The following DOCK7 variants were observed in gnomAD, a reference collection of about 807,000 sequenced individuals.
DOCK7 encodes dedicator of cytokinesis protein 7.
DOCK7 carries 138 observed loss-of-function variants against 271.0 expected under a neutral mutation model. That is an observed-to-expected ratio of 0.51 (90% CI 0.44 to 0.59). The LOEUF is 0.59. Among genes scored for constraint, DOCK7 ranks in the 20% least tolerant of loss-of-function variants. The pLI, the probability that DOCK7 is intolerant of heterozygous loss-of-function variation, is 0.00. For synonymous variants in DOCK7, 823 were observed against 876.1 expected, an observed-to-expected ratio of 0.94 and a Z score of 1.07; for missense variants, 2,066 against 2,592.4, an observed-to-expected ratio of 0.80 and a Z score of 4.41.
intron 14 of DOCK7, among the ~76,000 whole-genome samples, chr1:62,595,801 C>A (rs1276207082): frequency 6.6e-6 from 1 of 151,974 alleles, no homozygotes; most frequent in Non-Finnish European, 1.5e-5. Context: ...TGGTGGCATG[C>A]ATCTATAGTC....
chr1:62,607,161 A>G (rs1297305023), intron 14 of DOCK7, among the ~76,000 whole-genome samples: 1 of 151,886 alleles, frequency 6.6e-6, no homozygotes, highest in Non-Finnish European at 1.5e-5. Flanking sequence ...AGCTGAGATC[A>G]CACCAATGCA....
At chr1:62,655,257 G>C (rs972980947) in intron 2 of DOCK7, among the ~76,000 whole-genome samples, 2 of 151,790 alleles carry the variant, frequency 1.3e-5, no homozygotes, top group African/African-American at 4.8e-5. Flanking sequence ...ACCTATAAAG[G>C]ATATAAAACA....
At chr1:62,595,093 C>G (rs1305582278) in intron 14 of DOCK7, among the ~76,000 whole-genome samples, 3 of 151,990 alleles carry the variant, frequency 2.0e-5, no homozygotes, top group Non-Finnish European at 2.9e-5. Context: ...TTTTGTGGTT[C>G]TATATTGGAC....
chr1:62,487,500 C>T, intron 42 of DOCK7, 88 bp from the exon 43 acceptor site: 1 of 1,180,682 alleles, frequency 8.5e-7, no homozygotes, highest in South Asian at 1.3e-5. Flanking sequence ...ACCATAAATT[C>T]TTCTCCACAA....
chr1:62,634,969 G>GTGT, intron 8 of DOCK7, 47 bp from the exon 9 acceptor site: 1 of 1,378,264 alleles, frequency 7.3e-7, no homozygotes, highest in African/African-American at 1.5e-5. Context: ...ACATTTTACA[G>GTGT]TGTCTATTTC....
chr1:62,627,202 T>G (rs1017252378), intron 11 of DOCK7, among the ~76,000 whole-genome samples: 12 of 152,132 alleles, frequency 7.9e-5, no homozygotes, highest in Non-Finnish European at 1.8e-4. Context: ...ATAAAAACAC[T>G]TTTAAAAATT....
chr1:62,649,070 A>G (rs1321099460), intron 4 of DOCK7, among the ~76,000 whole-genome samples: 2 of 152,120 alleles, frequency 1.3e-5, no homozygotes, highest in Non-Finnish European at 2.9e-5. Context: ...CACTGTGTAC[A>G]TATATATATT....
At chr1:62,673,156 A>T (rs145530087) in intron 1 of DOCK7, among the ~76,000 whole-genome samples, 42 of 152,248 alleles carry the variant, frequency 2.8e-4, no homozygotes, top group Non-Finnish European at 4.6e-4. Flanking sequence ...AAACTAAAAC[A>T]TATACACGTT....
chr1:62,542,473 T>C (rs1345187339), intron 25 of DOCK7, 135 bp downstream of exon 25: 4 of 728,234 alleles, frequency 5.5e-6, no homozygotes, highest in Non-Finnish European at 4.5e-6. Context: ...GTAACACATG[T>C]AATTTTGTCT....
At chr1:62,531,146 T>A (rs1645162435) in intron 29 of DOCK7, among the ~76,000 whole-genome samples, 1 of 152,194 alleles carries the variant, frequency 6.6e-6, no homozygotes, top group East Asian at 1.9e-4. Context: ...TCCTCATCAT[T>A]ATTCTCAAGG....
intron 29 of DOCK7, 87 bp downstream of exon 29, chr1:62,535,406 T>C: frequency 8.6e-7 from 1 of 1,167,096 alleles, no homozygotes; most frequent in Non-Finnish European, 1.2e-6. Flanking sequence ...ATTATTCTCC[T>C]AATCCTCAGG....
At chr1:62,505,917 A>G (rs1046937567) in intron 35 of DOCK7, 101 bp from the exon 36 acceptor site, 1 of 1,141,658 alleles carries the variant, frequency 8.8e-7, no homozygotes, top group Non-Finnish European at 1.2e-6. Context: ...CCCTGTATGT[A>G]TAAGTAAAGT....
intron 35 of DOCK7, among the ~76,000 whole-genome samples, chr1:62,507,445 A>C (rs1254050654): frequency 6.6e-6 from 1 of 152,240 alleles, no homozygotes; most frequent in East Asian, 1.9e-4. Context: ...GGATCAAATG[A>C]GTTAATATTT....
At chr1:62,471,590 G>A (rs1000092391) in intron 48 of DOCK7, among the ~76,000 whole-genome samples, 27 of 152,296 alleles carry the variant, frequency 1.8e-4, no homozygotes, top group Admixed American at 6.5e-4. Context: ...GGAGTTTGAG[G>A]CTGCAGTGAG....
intron 22 of DOCK7, among the ~76,000 whole-genome samples, chr1:62,551,545 T>G (rs1645905488): frequency 1.3e-5 from 2 of 152,020 alleles, no homozygotes; most frequent in Non-Finnish European, 2.9e-5. Context: ...TTTCTTGAAC[T>G]GCCAGGTCAA....
At chr1:62,612,809 C>T (rs781564354) in intron 14 of DOCK7, among the ~76,000 whole-genome samples, 48 of 152,200 alleles carry the variant, frequency 3.2e-4, no homozygotes, top group African/African-American at 7.9e-4. Flanking sequence ...TTCTTAGTAA[C>T]GCACCATGTT....
chr1:62,605,301 GTA>G (rs1441835079), intron 14 of DOCK7: 1 of 153,428 alleles, frequency 6.5e-6, no homozygotes, highest in Non-Finnish European at 1.5e-5. Flanking sequence ...TCAGCACAGA[GTA>G]TGTGTAAAAA....
At chr1:62,640,349 C>G (rs960144950) in intron 7 of DOCK7, among the ~76,000 whole-genome samples, 1 of 151,862 alleles carries the variant, frequency 6.6e-6, no homozygotes, top group Non-Finnish European at 1.5e-5. Flanking sequence ...GGGGAAACCC[C>G]GTCTCTACTA....
At chr1:62,456,574 A>C (rs1416514394) in intron 49 of DOCK7, among the ~76,000 whole-genome samples, 1 of 152,164 alleles carries the variant, frequency 6.6e-6, no homozygotes, top group Non-Finnish European at 1.5e-5. Context: ...CTGCCTACAT[A>C]TGTTAAAAAC....
Sources: gnomAD v4.1 joint callset for allele counts (sites outside exome capture counted in the v4.1 genomes callset) on GRCh38, gnomAD v4.1.1 for gene constraint, MANE v1.5 for transcripts, NCBI Gene and HGNC (gene_info 2026-07-23, HGNC 2026-07-21) for gene names.